RIMS2: variants seen among roughly 807,000 people sequenced by gnomAD.
RIMS2 encodes the protein regulating synaptic membrane exocytosis 2, also known as regulating synaptic membrane exocytosis protein 2.
A neutral mutation model predicts 174.4 loss-of-function variants in RIMS2; 59 were observed. The ratio of observed to expected loss-of-function variants is 0.34; its 90% CI spans 0.27 to 0.42. The LOEUF (loss-of-function observed/expected upper bound fraction) is 0.42. RIMS2 is among the 10% of genes least tolerant of loss of function. The pLI, the probability that RIMS2 is intolerant of heterozygous loss-of-function variation, is 1.00. For synonymous variants in RIMS2, 606 were observed against 572.5 expected (o/e 1.06, Z -0.84); for missense variants, 1,620 against 1,666.3 (o/e 0.97, Z 0.48).
chr8:103,789,657 T>G (rs2098477584), intron 3 of RIMS2, among the ~76,000 whole-genome samples: 1 of 152,016 alleles, frequency 6.6e-6, no homozygotes, highest in African/African-American at 2.4e-5. Flanking sequence ...AGATTGCAAA[T>G]ACTTTTCCCC....
chr8:103,690,484 A>G (rs2097007649), intron 1 of RIMS2, among the ~76,000 whole-genome samples: 1 of 152,130 alleles, frequency 6.6e-6, no homozygotes. Flanking sequence ...ATTTGAGGTT[A>G]CCATGAAGTT....
intron 1 of RIMS2, among the ~76,000 whole-genome samples, chr8:103,685,926 T>C (rs1311122544): frequency 6.6e-6 from 1 of 152,206 alleles, no homozygotes; most frequent in Admixed American, 6.5e-5. Flanking sequence ...AGAATTGTGA[T>C]CTTAACAATT....
chr8:104,248,891 T>TTCTCTCTCTCTCTCTCTCTCTCTCTC lies in RIMS2; in HGVS notation c.3589+99_3589+100insCTCTCTCTCTCTCTCTCTCTCTCTCT, dbSNP rs368851079. On this transcript the variant is annotated intron_variant, in intron 21 of 23. Coordinates refer to ENST00000504942, the Ensembl canonical transcript of RIMS2. ...GAAATTCTCTAAATTTCATAGAATC[T>TTCTCTCTCTCTCTCTCTCTCTCTCTC]TCTCTCTCTCTCTCTCTCTCTTTCC... is the stretch of plus-strand genomic sequence containing the variant. 3.0e-4 allele frequency: 187 copies of TTCTCTCTCTCTCTCTCTCTCTCTCTC among 629,186 alleles called. 1 individual carries two copies. Among genetic ancestry groups the TTCTCTCTCTCTCTCTCTCTCTCTCTC allele is most frequent in the South Asian group, 1.0e-3 (57 of 54,320 alleles). The allele number at this position is 629,186 out of a possible 1,614,324, so 39.0% of individuals were successfully genotyped here.
chr8:104,194,609 A>ACATG (rs1431565844), intron 19 of RIMS2, among the ~76,000 whole-genome samples: 2 of 152,198 alleles, frequency 1.3e-5, no homozygotes, highest in Non-Finnish European at 2.9e-5. Context: ...ACCATCTAGT[A>ACATG]CATGGCACAA....
chr8:103,598,961 A>G (rs2094581789), intron 1 of RIMS2, among the ~76,000 whole-genome samples: 2 of 152,056 alleles, frequency 1.3e-5, no homozygotes, highest in South Asian at 4.1e-4. Context: ...GTTAGCTAAA[A>G]CATATTGATC....
At chr8:103,560,171 A>G (rs1262341482) in intron 1 of RIMS2, among the ~76,000 whole-genome samples, 1 of 152,072 alleles carries the variant, frequency 6.6e-6, no homozygotes, top group Non-Finnish European at 1.5e-5. Flanking sequence ...GAAACAAGGG[A>G]CATCGATGAA....
intron 1 of RIMS2, among the ~76,000 whole-genome samples, chr8:103,504,807 A>G (rs1328343473): frequency 6.6e-6 from 1 of 150,896 alleles, no homozygotes; most frequent in Non-Finnish European, 1.5e-5. Context: ...AAATTTTGAA[A>G]TAAAATCTTT....
chr8:103,745,933 T>C (rs114089300), intron 2 of RIMS2, among the ~76,000 whole-genome samples: 1,550 of 152,338 alleles, frequency 0.01, 30 homozygotes, highest in African/African-American at 0.035. Context: ...TGTCCTTTGA[T>C]ACTTAAAAGG....
intron 3 of RIMS2, among the ~76,000 whole-genome samples, chr8:103,817,413 C>T (rs1480620876): frequency 1.3e-5 from 2 of 152,060 alleles, no homozygotes; most frequent in African/African-American, 4.8e-5. Flanking sequence ...AAATGGAGTC[C>T]AAAGCAAAGA....
intron 21 of RIMS2, 82 bp from the exon 28 acceptor site, chr8:104,249,405 A>T: frequency 1.5e-6 from 1 of 662,542 alleles, no homozygotes. Context: ...TGATGAAACG[A>T]TGTTAAACCA....
intron 1 of RIMS2, among the ~76,000 whole-genome samples, chr8:103,577,775 G>T (rs1289154793): frequency 6.6e-6 from 1 of 152,104 alleles, no homozygotes; most frequent in African/African-American, 2.4e-5. Context: ...TTAAAAGCCA[G>T]ACAGAAACCT....
At chr8:103,721,726 C>T (rs180908472) in intron 2 of RIMS2, among the ~76,000 whole-genome samples, 175 of 152,320 alleles carry the variant, frequency 1.1e-3, no homozygotes, top group African/African-American at 4.0e-3. Context: ...CAATCTATAA[C>T]TGAAAATGAA....
chr8:103,667,887 G>T (rs1361254168), intron 1 of RIMS2, among the ~76,000 whole-genome samples: 3 of 152,146 alleles, frequency 2.0e-5, no homozygotes, highest in Non-Finnish European at 4.4e-5. Context: ...ACAAGCTTAA[G>T]GTTCACAGTC....
At chr8:103,873,239 T>C (rs1320308693) in intron 3 of RIMS2, among the ~76,000 whole-genome samples, 1 of 152,112 alleles carries the variant, frequency 6.6e-6, no homozygotes, top group African/African-American at 2.4e-5. Flanking sequence ...TAAGTAGCAA[T>C]TTCTTTGTTT....
At chr8:103,550,344 C>A (rs1419587395) in intron 1 of RIMS2, among the ~76,000 whole-genome samples, 2 of 152,110 alleles carry the variant, frequency 1.3e-5, no homozygotes, top group African/African-American at 4.8e-5. Context: ...AACAACCTGT[C>A]CTGAATGGCC....
In RIMS2 at chr8:104,014,631, AATTG is replaced by A; in HGVS notation, c.3334+17_3334+20del. The A allele has an allele frequency of 6.7e-7, 1 of 1,498,238 alleles. No individual in the cohort carries two copies. The highest frequency in any genetic ancestry group is 9.3e-7 in the Non-Finnish European group (1 of 1,075,312). 92.8% of individuals were successfully genotyped at this position (1,498,238 alleles called of 1,614,324 possible). On this transcript the variant is annotated intron_variant, in intron 19 of 23. Coordinates refer to ENST00000504942, the Ensembl canonical transcript of RIMS2. ...TTGGATAGAAGTAAGTTTTATTTCT[AATTG>A]TCTCGTTTAGGAAATACACATGGAA...
intron 4 of RIMS2, among the ~76,000 whole-genome samples, chr8:103,906,674 G>A (rs1250486499): frequency 2.0e-5 from 3 of 152,184 alleles, no homozygotes; most frequent in African/African-American, 7.2e-5. Context: ...CAAGCACAGA[G>A]GGAGAAGAGA....
chr8:104,104,789 A>C (rs975018730), intron 19 of RIMS2, among the ~76,000 whole-genome samples: 6 of 151,502 alleles, frequency 4.0e-5, no homozygotes, highest in Non-Finnish European at 8.8e-5. Context: ...CTGAGATGGG[A>C]GGATCCCTTT....
chr8:103,986,991 A>G (rs1278463988), intron 16 of RIMS2, among the ~76,000 whole-genome samples: 1 of 152,138 alleles, frequency 6.6e-6, no homozygotes, highest in African/African-American at 2.4e-5. Flanking sequence ...ATTCCAGACT[A>G]AAAAGTACTA....
Sources: gnomAD v4.1 joint callset for allele counts (sites outside exome capture counted in the v4.1 genomes callset) on GRCh38, gnomAD v4.1.1 for gene constraint, MANE v1.5 for transcripts, NCBI Gene and HGNC (gene_info 2026-07-23, HGNC 2026-07-21) for gene names.